The following GPHN variants were observed in gnomAD, a reference collection of about 807,000 sequenced individuals.
GPHN encodes gephyrin.
A neutral mutation model predicts 95.5 loss-of-function variants in GPHN; 17 were observed. The observed-to-expected ratio is 0.18, with a 90% CI of 0.12 to 0.27. GPHN has a LOEUF of 0.27. Among genes scored for constraint, GPHN ranks in the 10% least tolerant of loss-of-function variants. The probability of loss-of-function intolerance (pLI) is 1.00; values close to 1 mark genes in which losing one functional copy is unlikely to be tolerated. For synonymous variants in GPHN, 320 were observed against 322.5 expected (o/e 0.99, Z 0.08); for missense variants, 660 against 978.1 (o/e 0.67, Z 4.34).
the GPHN span, chr14:67,320,317 G>A: frequency 1.2e-6 from 2 of 1,613,790 alleles, no homozygotes; most frequent in Non-Finnish European, 1.7e-6. Flanking sequence ...ATCTTGATTG[G>A]TCCACAGAAC....
At chr14:67,049,114 T>A (rs1052277334) in intron 10 of GPHN, among the ~76,000 whole-genome samples, 1 of 152,182 alleles carries the variant, frequency 6.6e-6, no homozygotes, top group Admixed American at 6.5e-5. Context: ...TACTTTTTTC[T>A]CAATTTTTTT....
chr14:67,111,744 T>C, intron 14 of GPHN, 117 bp from the exon 15 acceptor site: 2 of 792,390 alleles, frequency 2.5e-6, no homozygotes, highest in Non-Finnish European at 4.4e-6. Context: ...CAAATAGTTT[T>C]CTTTTTGTCT....
chr14:66,520,991 A>G (rs528183349), intron 1 of GPHN, among the ~76,000 whole-genome samples: 139 of 152,118 alleles, frequency 9.1e-4, no homozygotes, highest in Non-Finnish European at 1.5e-3. Flanking sequence ...GCTGAGGATA[A>G]TGACCTCCAG....
intron 4 of GPHN, among the ~76,000 whole-genome samples, chr14:66,829,846 G>A (rs986614999): frequency 1.3e-5 from 2 of 152,070 alleles, no homozygotes; most frequent in Non-Finnish European, 2.9e-5. Flanking sequence ...ACTTTCACAG[G>A]GGTAAGCAAT....
chr14:67,004,145 A>T (rs1955610), intron 9 of GPHN, among the ~76,000 whole-genome samples: 39,742 of 151,602 alleles, frequency 0.26, 8,847 homozygotes, highest in African/African-American at 0.57. Flanking sequence ...TATGAGAGGA[A>T]TTATATCTTG....
intron 3 of GPHN, among the ~76,000 whole-genome samples, chr14:66,816,797 A>G (rs2153487033): frequency 6.6e-6 from 1 of 152,324 alleles, no homozygotes; most frequent in East Asian, 1.9e-4. Context: ...AGTAATAACC[A>G]AAATCAAAGC....
intron 1 of GPHN, among the ~76,000 whole-genome samples, chr14:66,650,533 C>A (rs1244259129): frequency 6.6e-6 from 1 of 152,136 alleles, no homozygotes; most frequent in Non-Finnish European, 1.5e-5. Flanking sequence ...AGCACCCTAA[C>A]TAGACGAATC....
At chr14:66,538,719 ACTCCACTATCAGTGTCAT>A (rs2059231785) in intron 1 of GPHN, among the ~76,000 whole-genome samples, 1 of 147,476 alleles carries the variant, frequency 6.8e-6, no homozygotes, top group Non-Finnish European at 1.5e-5. Flanking sequence ...TTGTCTCCTA[ACTCCACTATCAGTGTCAT>A]CTCTAGCTTT....
chr14:66,545,326 G>A (rs1322048870), intron 1 of GPHN, among the ~76,000 whole-genome samples: 2 of 135,582 alleles, frequency 1.5e-5, no homozygotes, highest in East Asian at 5.0e-4. Context: ...CGGCTGGCCG[G>A]GCAGGGGGCT....
At chr14:66,607,879 T>G (rs1255619275) in intron 1 of GPHN, among the ~76,000 whole-genome samples, 2 of 152,172 alleles carry the variant, frequency 1.3e-5, no homozygotes, top group East Asian at 3.9e-4. Flanking sequence ...TATTTGGATC[T>G]TCCCTTTTTC....
rs148588769 is a variant in GPHN at position 66,838,852 on chromosome 14, T to C, written c.294+14286T>C. Among the ~76,000 whole-genome samples the C allele has an allele frequency of 7.7e-3, 1,178 of 152,210 alleles. 15 individuals are homozygous for C. The highest frequency in any genetic ancestry group is 0.026 in the African/African-American group (1,094 of 41,548). ...TGAGTACTTTATATCTGTCAAGTAC[T>C]ATGAACTTCTCAGAATAATATCACT... is the stretch of plus-strand genomic sequence containing the variant. On this transcript the variant is annotated intron_variant, in intron 4 of 22. Coordinates refer to ENST00000478722, the MANE Select transcript of GPHN (RefSeq NM_020806.5).
At chr14:67,246,998 A>T in the GPHN span, among the ~76,000 whole-genome samples, 1 of 151,992 alleles carries the variant, frequency 6.6e-6, no homozygotes, top group Non-Finnish European at 1.5e-5. Flanking sequence ...TGACTCTTCC[A>T]CTGTATTCTT....
the GPHN span, chr14:67,619,977 C>T: frequency 2.5e-6 from 4 of 1,589,366 alleles, no homozygotes; most frequent in East Asian, 2.3e-5. Flanking sequence ...TGCTGCGGAT[C>T]ATGTCCCTAA....
At chr14:66,997,280 T>C (rs1298530833) in intron 9 of GPHN, among the ~76,000 whole-genome samples, 2 of 148,800 alleles carry the variant, frequency 1.3e-5, no homozygotes, top group Non-Finnish European at 3.0e-5. Flanking sequence ...GGCAGGAGAA[T>C]CACTTGAACC....
chr14:67,411,911 G>T, the GPHN span: 2 of 1,038,372 alleles, frequency 1.9e-6, no homozygotes, highest in Non-Finnish European at 2.7e-6. Context: ...GGTTGGGGAT[G>T]GGAACCAGAG....
At chr14:67,439,594 T>TTTCTTTC in the GPHN span, among the ~76,000 whole-genome samples, 5 of 102,040 alleles carry the variant, frequency 4.9e-5, no homozygotes, top group African/African-American at 2.3e-4. Context: ...TCTTTCTTTC[T>TTTCTTTC]TCTTTCTTTT....
chr14:67,024,382 A>G (rs368727873), intron 10 of GPHN, among the ~76,000 whole-genome samples: 1 of 152,208 alleles, frequency 6.6e-6, no homozygotes, highest in African/African-American at 2.4e-5. Context: ...TGTTCTCTAT[A>G]TCTTAATAGC....
chr14:66,699,544 G>A (rs752930471), intron 2 of GPHN, among the ~76,000 whole-genome samples: 1 of 152,090 alleles, frequency 6.6e-6, no homozygotes, highest in Non-Finnish European at 1.5e-5. Context: ...CATTAGAATT[G>A]TTATAAGAAG....
At chr14:66,760,774 C>T in intron 2 of GPHN, 1 of 482,892 alleles carries the variant, frequency 2.1e-6, no homozygotes, top group South Asian at 1.6e-5. Flanking sequence ...CTATCAAATA[C>T]AGAGAGAGCT....
Sources: allele counts gnomAD v4.1 joint callset (sites outside exome capture counted in the v4.1 genomes callset), GRCh38; gene constraint gnomAD v4.1.1; transcripts MANE v1.5; gene names NCBI Gene and HGNC (gene_info 2026-07-23, HGNC 2026-07-21).